Variants in AP1B1 observed in about 807,000 individuals in gnomAD.
The protein encoded by AP1B1 is AP-1 complex subunit beta-1.
A neutral mutation model predicts 104.3 loss-of-function variants in AP1B1; 36 were observed. The ratio of observed to expected loss-of-function variants is 0.35; its 90% CI spans 0.26 to 0.46. The LOEUF is 0.46. Ranked by LOEUF, AP1B1 falls within the 20% of genes least tolerant of loss-of-function variation. AP1B1 has a pLI of 1.00. For synonymous variants in AP1B1, 504 were observed against 517.5 expected (o/e 0.97, Z 0.35); for missense variants, 901 against 1,247.9 (o/e 0.72, Z 4.19).
intron 8 of AP1B1, 40 bp from the exon 9 acceptor site, chr22:29,351,306 T>C: frequency 6.3e-7 from 1 of 1,596,256 alleles, no homozygotes; most frequent in Non-Finnish European, 8.6e-7. Context: ...GGGCACCTGA[T>C]GGGGCAATCT....
At chr22:29,342,444 C>T in intron 11 of AP1B1, 61 bp from the exon 12 acceptor site, 1 of 1,406,510 alleles carries the variant, frequency 7.1e-7, no homozygotes, top group Non-Finnish European at 1.0e-6. Flanking sequence ...AGAGGGAGAA[C>T]AAAAAGGCTT....
At chr22:29,348,325 T>C (rs2061823097) in intron 11 of AP1B1, among the ~76,000 whole-genome samples, 1 of 152,224 alleles carries the variant, frequency 6.6e-6, no homozygotes. Flanking sequence ...CAAGCATCCT[T>C]TCCACCACCT....
chr22:29,331,095 A>T (rs2061550714), intron 19 of AP1B1, among the ~76,000 whole-genome samples: 3 of 152,172 alleles, frequency 2.0e-5, no homozygotes. Context: ...GTGTGCTGTG[A>T]TCAACACCCT....
intron 11 of AP1B1, among the ~76,000 whole-genome samples, chr22:29,345,012 G>A (rs1050062422): frequency 1.1e-4 from 17 of 152,084 alleles, no homozygotes; most frequent in African/African-American, 4.1e-4. Context: ...GTGAGATTTC[G>A]CCACTAAAAC....
intron 2 of AP1B1, among the ~76,000 whole-genome samples, chr22:29,363,858 A>T (rs2062090750): frequency 6.6e-6 from 1 of 151,766 alleles, no homozygotes; most frequent in Non-Finnish European, 1.5e-5. Context: ...ACACCACTAC[A>T]CTCCAGCCTG....
At position 29,331,378 on chromosome 22, in the gene AP1B1, G is replaced by A. The variant is rs1274154886; in HGVS notation, c.2524+71C>T. Reference sequence around the variant, plus strand: ...GCAGTCCATCTGGACCTTGGTAAAGGCACCACCTTGGCCAGGTTCCCAAGC... The same window carrying A: ...GCAGTCCATCTGGACCTTGGTAAAGACACCACCTTGGCCAGGTTCCCAAGC... On this transcript the variant is annotated intron_variant, in intron 19 of 22. Transcript: ENST00000357586. 7.5e-6 allele frequency: 11 copies of A among 1,459,324 alleles called. No homozygotes were observed. In the African/African-American group the frequency reaches 1.5e-4, roughly 20 times the overall value. 90.4% of individuals were successfully genotyped at this position (1,459,324 alleles called of 1,614,324 possible).
rs1306561293 is a variant in AP1B1 at position 29,339,126 on chromosome 22, C to A, written c.2027G>T (p.Gly676Val). The change falls in exon 16 of 23, where the codon GGC becomes GTC. Residue 676 changes from glycine (G) to valine (V), a missense_variant. Gly to Val is a moderately radical substitution (Grantham distance 109, BLOSUM62 -3). Coordinates refer to ENST00000357586, the MANE Select transcript of AP1B1 (RefSeq NM_001127.4). ...LMGDEPEGIG[G>V]TNFVAPPTAA... Reference sequence around the variant, plus strand: ...TGTTGGAGGTGCCACGAAGTTGGTGCCCCCAATCTGGAAAGGGAGGGAAAG... The same window carrying A: ...TGTTGGAGGTGCCACGAAGTTGGTGACCCCAATCTGGAAAGGGAGGGAAAG... The A allele has an allele frequency of 1.2e-6, 2 of 1,614,100 alleles. No individual in the cohort carries two copies.
chr22:29,362,866 A>C, intron 3 of AP1B1, 135 bp downstream of exon 3: 2 of 654,380 alleles, frequency 3.1e-6, no homozygotes, highest in Admixed American at 5.1e-5. Flanking sequence ...TTGGGAAGAA[A>C]GTTTTATGAA....
chr22:29,328,695 A>T lies in AP1B1; in HGVS notation c.*126T>A. 1 of 1,240,932 alleles carries T rather than the reference A, an allele frequency of 8.1e-7. No individual in the cohort carries two copies. Among genetic ancestry groups the T allele is most frequent in the Non-Finnish European group, 1.1e-6 (1 of 900,930 alleles). The allele number at this position is 1,240,932 out of a possible 1,614,324, so 76.9% of individuals were successfully genotyped here. Reference sequence around the variant, plus strand: ...GGATCGGGTGGGTTCTGCCATCAGGACCAGGGAGCCCACTGAGTGGCCTGG... The same window carrying T: ...GGATCGGGTGGGTTCTGCCATCAGGTCCAGGGAGCCCACTGAGTGGCCTGG... On this transcript the variant is annotated 3_prime_UTR_variant, in exon 23 of 23. Transcript: ENST00000357586. This position sits in a 1 kb window ranked among gnomAD's most constrained non-coding sequence, Gnocchi z 4.1.
intron 8 of AP1B1, 169 bp from the exon 9 acceptor site, chr22:29,351,435 G>A (rs772774513): frequency 2.4e-5 from 22 of 899,648 alleles, no homozygotes; most frequent in Non-Finnish European, 3.8e-5. Flanking sequence ...AAGGAAAGAA[G>A]GCCTGGACAA....
At chr22:29,331,749 G>A in intron 18 of AP1B1, 38 bp downstream of exon 18, 1 of 1,614,094 alleles carries the variant, frequency 6.2e-7, no homozygotes, top group South Asian at 1.1e-5. Context: ...GCTGGTAGGT[G>A]AGTAAGGACT....
chr22:29,338,860 T>C, intron 16 of AP1B1, 130 bp downstream of exon 16: 1 of 1,333,664 alleles, frequency 7.5e-7, no homozygotes, highest in Non-Finnish European at 1.0e-6. Context: ...TCGGTGCCCC[T>C]GTGGCCCCCA....
intron 2 of AP1B1, among the ~76,000 whole-genome samples, chr22:29,366,043 T>C (rs2062130547): frequency 6.6e-6 from 1 of 152,190 alleles, no homozygotes; most frequent in Non-Finnish European, 1.5e-5. Context: ...CTGGATCAGC[T>C]GATCCAGCAA....
intron 1 of AP1B1, among the ~76,000 whole-genome samples, chr22:29,373,593 C>T (rs549737592): frequency 2.0e-4 from 31 of 152,244 alleles, no homozygotes; most frequent in African/African-American, 7.0e-4. Flanking sequence ...AAGCATGTCA[C>T]TTGGTGTAAA....
At chr22:29,348,301 T>A (rs1378260675) in intron 11 of AP1B1, among the ~76,000 whole-genome samples, 1 of 152,236 alleles carries the variant, frequency 6.6e-6, no homozygotes, top group Non-Finnish European at 1.5e-5. Flanking sequence ...ATGTTTCAGC[T>A]CTCATCCTGT....
At chr22:29,370,452 C>CAAAAAAAAAAAA (rs747171000) in intron 1 of AP1B1, 1 of 56,244 alleles carries the variant, frequency 1.8e-5, no homozygotes, top group Non-Finnish European at 3.7e-5. Context: ...GACTCAGTCT[C>CAAAAAAAAAAAA]AAAAAAAAAA....
In AP1B1 at chr22:29,330,236, A is replaced by G. The variant is rs2061536275; in HGVS notation, c.2766+142T>C. On this transcript the variant is annotated intron_variant, in intron 21 of 22. Transcript: ENST00000357586. ...GGGTTGATTTGGAAGCTTTCTAGAA[A>G]GGTCCTTCTCAGGGACCAAACTGAT... The G allele has an allele frequency of 2.7e-6, 4 of 1,490,900 alleles. No individual in the cohort carries two copies. The African/African-American group carries it at 5.6e-5, about 21-fold the overall frequency. 92.4% of individuals were successfully genotyped at this position (1,490,900 alleles called of 1,614,324 possible).
intron 1 of AP1B1, among the ~76,000 whole-genome samples, chr22:29,375,043 A>T (rs1319352302): frequency 6.6e-6 from 1 of 152,174 alleles, no homozygotes; most frequent in African/African-American, 2.4e-5. Flanking sequence ...AATACTATAC[A>T]ACCATGCAAA....
chr22:29,341,866 G>A (rs913197930), intron 12 of AP1B1, 106 bp from the exon 13 acceptor site: 7 of 1,340,372 alleles, frequency 5.2e-6, no homozygotes, highest in Non-Finnish European at 7.0e-6. Flanking sequence ...TGGCCAATGG[G>A]GACAGCAGTC....
Sources: gnomAD v4.1 joint callset for allele counts (sites outside exome capture counted in the v4.1 genomes callset) on GRCh38, gnomAD v4.1.1 for gene constraint, Gnocchi (gnomAD v3.1) non-coding constraint, MANE v1.5 for transcripts, NCBI Gene and HGNC (gene_info 2026-07-23, HGNC 2026-07-21) for gene names.